The following ZHX3 variants were observed in gnomAD, a reference collection of about 807,000 sequenced individuals.
The protein encoded by ZHX3 is zinc fingers and homeoboxes 3.
A neutral mutation model predicts 64.5 loss-of-function variants in ZHX3; 20 were observed. The observed-to-expected ratio is 0.31, with a 90% CI of 0.22 to 0.45. The LOEUF (loss-of-function observed/expected upper bound fraction) is 0.45, where lower values mean the gene tolerates loss of function less well. ZHX3 is among the 20% of genes least tolerant of loss of function. ZHX3 has a pLI of 1.00. For synonymous variants in ZHX3, 423 were observed against 461.6 expected (o/e 0.92, Z 1.07); for missense variants, 1,041 against 1,195.8 (o/e 0.87, Z 1.91).
Position 41,185,855 on chromosome 20 carries a change from C to T in ZHX3, c.2861-654G>A, listed in dbSNP as rs949190881. On this transcript the variant is annotated intron_variant, in intron 3 of 3. Coordinates refer to ENST00000683867, the MANE Select transcript of ZHX3 (RefSeq NM_001384317.1). The surrounding 1 kb of genome is among the most constrained non-coding windows in gnomAD (Gnocchi z 5.0). ...AAGAGAACAATGCCAATGGCAATGG[C>T]CACCCCCTGCCATTCCTGCTCTGTC... is the stretch of plus-strand genomic sequence containing the variant. The T allele has an allele frequency of 1.3e-5, 2 of 152,338 alleles. No homozygotes were observed. The highest frequency in any genetic ancestry group is 4.8e-5 in the African/African-American group (2 of 41,456). 9.4% of individuals were successfully genotyped at this position (152,338 alleles called of 1,614,324 possible).
chr20:41,201,547 AT>A lies in ZHX3; in HGVS notation c.2860+509del, dbSNP rs2038219923. 6.6e-6 allele frequency among the ~76,000 whole-genome samples: 1 copy of A among 152,252 alleles called. No individual in the cohort carries two copies. Among genetic ancestry groups the A allele is most frequent in the African/African-American group, 2.4e-5 (1 of 41,470 alleles). On this transcript the variant is annotated intron_variant, in intron 3 of 3. Coordinates refer to ENST00000683867, the MANE Select transcript of ZHX3 (RefSeq NM_001384317.1). This position sits in a 1 kb window ranked among gnomAD's most constrained non-coding sequence, Gnocchi z 5.0. ...CCATGTATGTCAAAGAAGGAAGGTG[AT>A]TTTCCATTATACTAAACATTTCTTC...
chr20:41,255,334 G>T (rs1368335921), intron 2 of ZHX3, among the ~76,000 whole-genome samples: 1 of 151,924 alleles, frequency 6.6e-6, no homozygotes, highest in Non-Finnish European at 1.5e-5. Context: ...TGTATTTTTA[G>T]CAGAGACAGG....
rs2036447592 is a variant in ZHX3, at chr20:41,185,530, TG to T, written c.2861-330del. On this transcript the variant is annotated intron_variant, in intron 3 of 3. Coordinates refer to ENST00000683867, the MANE Select transcript of ZHX3 (RefSeq NM_001384317.1). The surrounding 1 kb of genome is among the most constrained non-coding windows in gnomAD (Gnocchi z 5.0). ...CCCAGGCTTCCGCCACCACCGTCTCTGGAGTCCTGTCCTAAAATGCTTCATC... is the reference window on the plus strand; with the variant it reads ...CCCAGGCTTCCGCCACCACCGTCTCTGAGTCCTGTCCTAAAATGCTTCATC... 2.0e-6 allele frequency: 1 copy of T among 492,518 alleles called. No homozygotes were observed. The highest frequency in any genetic ancestry group is 1.9e-5 in the African/African-American group (1 of 52,044). 30.5% of individuals were successfully genotyped at this position (492,518 alleles called of 1,614,324 possible). A position where few individuals can be genotyped will look rare whatever the true frequency, so the allele number is the denominator to read the frequency against.
chr20:41,235,152 G>A (rs2040883966), intron 2 of ZHX3, among the ~76,000 whole-genome samples: 1 of 152,006 alleles, frequency 6.6e-6, no homozygotes, highest in African/African-American at 2.4e-5. Context: ...CACATGGCTG[G>A]GAGTGGGGGG....
chr20:41,270,397 C>A (rs1460735915), intron 1 of ZHX3, among the ~76,000 whole-genome samples: 2 of 142,076 alleles, frequency 1.4e-5, no homozygotes, highest in East Asian at 2.1e-4. Context: ...AAAAAAAGGC[C>A]GGGCACGGTG....
chr20:41,269,350 A>G (rs1399657012), intron 1 of ZHX3: 1 of 152,238 alleles, frequency 6.6e-6, no homozygotes, highest in African/African-American at 2.4e-5. Context: ...CTTTCCACCA[A>G]TGAGTTTCCA....
chr20:41,242,766 A>T (rs1259997940), intron 2 of ZHX3, among the ~76,000 whole-genome samples: 1 of 152,192 alleles, frequency 6.6e-6, no homozygotes, highest in African/African-American at 2.4e-5. Flanking sequence ...CCATATATGG[A>T]GGAAGTTTGA....
chr20:41,256,596 G>A (rs1043235399), intron 2 of ZHX3, among the ~76,000 whole-genome samples: 4 of 149,882 alleles, frequency 2.7e-5, no homozygotes, highest in Non-Finnish European at 4.4e-5. Flanking sequence ...GCTGCATAAG[G>A]AACAAATTTA....
At chr20:41,240,572 A>G (rs2041313718) in intron 2 of ZHX3, among the ~76,000 whole-genome samples, 1 of 152,134 alleles carries the variant, frequency 6.6e-6, no homozygotes, top group Non-Finnish European at 1.5e-5. Context: ...ATTTTCTACA[A>G]TAGTCACCCT....
intron 2 of ZHX3, among the ~76,000 whole-genome samples, chr20:41,222,192 A>C (rs1600827265): frequency 6.6e-6 from 1 of 152,238 alleles, no homozygotes; most frequent in South Asian, 2.1e-4. Context: ...AAGTGGCTGG[A>C]TTCTGGATAT....
Position 41,311,882 on chromosome 20 carries a change from A to G in ZHX3, c.-245+5627T>C, listed in dbSNP as rs138574809. ...GAAAAAAGTAGCTATTAAAATAACT[A>G]TTCAAAATGTTCTGAGGCCCTACAC... On this transcript the variant is annotated intron_variant, in intron 1 of 3. Transcript: ENST00000683867. 3.7e-3 allele frequency among the ~76,000 whole-genome samples: 562 copies of G among 152,362 alleles called. 7 individuals carry two copies. The highest frequency in any genetic ancestry group is 0.013 in the African/African-American group (525 of 41,576).
At chr20:41,289,068 G>A (rs1057209223) in intron 1 of ZHX3, among the ~76,000 whole-genome samples, 16 of 152,008 alleles carry the variant, frequency 1.1e-4, no homozygotes, top group Admixed American at 3.3e-4. Flanking sequence ...TGGCTTCCAC[G>A]GCAACCTCAA....
At chr20:41,217,435 CAT>C (rs931676274) in intron 2 of ZHX3, among the ~76,000 whole-genome samples, 2 of 151,968 alleles carry the variant, frequency 1.3e-5, no homozygotes, top group Non-Finnish European at 2.9e-5. Flanking sequence ...AAGCTCGAGA[CAT>C]ATTTTAAAAA....
intron 1 of ZHX3, among the ~76,000 whole-genome samples, chr20:41,309,170 G>A (rs1041735223): frequency 6.6e-6 from 1 of 152,116 alleles, no homozygotes. Flanking sequence ...TGTTGTCAGT[G>A]TGTTTGCCTC....
chr20:41,273,540 T>C (rs1342359298), intron 1 of ZHX3, among the ~76,000 whole-genome samples: 1 of 152,192 alleles, frequency 6.6e-6, no homozygotes, highest in Non-Finnish European at 1.5e-5. Flanking sequence ...AATTTTAATA[T>C]GTGTGGGGTC....
chr20:41,276,730 C>T (rs895472730), intron 1 of ZHX3, among the ~76,000 whole-genome samples: 1 of 152,150 alleles, frequency 6.6e-6, no homozygotes, highest in African/African-American at 2.4e-5. Flanking sequence ...CCCTTAACTG[C>T]AGGGCAAGTG....
chr20:41,305,519 T>C (rs1008100553), intron 1 of ZHX3, among the ~76,000 whole-genome samples: 3 of 150,420 alleles, frequency 2.0e-5, no homozygotes, highest in Admixed American at 1.3e-4. Flanking sequence ...GTACGGTGGC[T>C]CACGCCTGTA....
intron 2 of ZHX3, among the ~76,000 whole-genome samples, chr20:41,227,489 G>A (rs1404869479): frequency 1.3e-5 from 2 of 152,118 alleles, no homozygotes; most frequent in African/African-American, 4.8e-5. Context: ...TGCAATATGT[G>A]AGTGAGTGTG....
chr20:41,282,676 GC>G (rs2043750203), intron 1 of ZHX3, among the ~76,000 whole-genome samples: 1 of 152,100 alleles, frequency 6.6e-6, no homozygotes, highest in Non-Finnish European at 1.5e-5. Flanking sequence ...ATCTTTCGAT[GC>G]CTCTAATGAA....
Sources: gnomAD v4.1 joint callset for allele counts (sites outside exome capture counted in the v4.1 genomes callset) on GRCh38, gnomAD v4.1.1 for gene constraint, Gnocchi (gnomAD v3.1) non-coding constraint, MANE v1.5 for transcripts, NCBI Gene and HGNC (gene_info 2026-07-23, HGNC 2026-07-21) for gene names.